The following ANO3 variants were observed in gnomAD, a reference collection of about 807,000 sequenced individuals.
ANO3 encodes the protein anoctamin 3.
Under a neutral mutation model 144.8 loss-of-function variants are expected in ANO3, and 99 were observed. The observed-to-expected ratio is 0.68, with a 90% CI of 0.58 to 0.81. ANO3 has a LOEUF of 0.81. Among genes scored for constraint, ANO3 ranks in the 30% least tolerant of loss-of-function variants. ANO3 has a pLI of 0.00. For missense variants in ANO3, 905 were observed against 1,202.2 expected, an observed-to-expected ratio of 0.75 and a Z score of 3.66; for synonymous variants, 414 against 392.6, an observed-to-expected ratio of 1.05 and a Z score of -0.64.
chr11:26,401,227 T>C (rs1177385709), intron 1 of ANO3, among the ~76,000 whole-genome samples: 1 of 151,940 alleles, frequency 6.6e-6, no homozygotes, highest in Non-Finnish European at 1.5e-5. Flanking sequence ...AGTTGGGAGA[T>C]CAGTCAGTCA....
chr11:26,209,889 A>G (rs891621869), intron 1 of ANO3, among the ~76,000 whole-genome samples: 1 of 151,910 alleles, frequency 6.6e-6, no homozygotes, highest in Admixed American at 6.6e-5. Flanking sequence ...TGGATATTAG[A>G]CTTTGTCAGA....
chr11:26,194,418 T>C (rs1256456044), intron 1 of ANO3, among the ~76,000 whole-genome samples: 5 of 146,248 alleles, frequency 3.4e-5, no homozygotes, highest in Non-Finnish European at 7.5e-5. Context: ...TCAAAATTTT[T>C]CATCTTTGTG....
intron 13 of ANO3, among the ~76,000 whole-genome samples, 190 bp downstream of exon 13, chr11:26,553,535 T>C (rs1202452051): frequency 6.6e-6 from 1 of 152,144 alleles, no homozygotes; most frequent in Non-Finnish European, 1.5e-5. Flanking sequence ...TATTTGAACA[T>C]TTTTGTCTTC....
intron 1 of ANO3, among the ~76,000 whole-genome samples, chr11:26,257,207 C>A (rs936733674): frequency 2.6e-5 from 4 of 151,840 alleles, no homozygotes; most frequent in Admixed American, 6.6e-5. Context: ...AATATACATA[C>A]AGAAGCATAC....
chr11:26,219,120 C>T (rs537916927), intron 1 of ANO3, among the ~76,000 whole-genome samples: 1 of 152,012 alleles, frequency 6.6e-6, no homozygotes, highest in Non-Finnish European at 1.5e-5. Context: ...GTAGCTTCCC[C>T]GACATCCACC....
At chr11:26,436,352 C>A (rs1211826592) in intron 1 of ANO3, among the ~76,000 whole-genome samples, 1 of 152,116 alleles carries the variant, frequency 6.6e-6, no homozygotes, top group Non-Finnish European at 1.5e-5. Context: ...GGGGGTGGAC[C>A]CAGTGAGGAG....
chr11:26,267,457 A>C (rs1272584132), intron 1 of ANO3, among the ~76,000 whole-genome samples: 1 of 152,212 alleles, frequency 6.6e-6, no homozygotes, highest in Non-Finnish European at 1.5e-5. Context: ...TATGGATAAT[A>C]AGGAAAATAC....
chr11:26,245,318 G>T (rs550666167), intron 1 of ANO3, among the ~76,000 whole-genome samples: 21 of 151,974 alleles, frequency 1.4e-4, no homozygotes, highest in Non-Finnish European at 2.8e-4. Flanking sequence ...AGTAATCTCT[G>T]GGATGATTCA....
At chr11:26,448,855 G>A (rs1356825703) in intron 3 of ANO3, among the ~76,000 whole-genome samples, 1 of 152,130 alleles carries the variant, frequency 6.6e-6, no homozygotes, top group Admixed American at 6.5e-5. Flanking sequence ...ATTCACTGCT[G>A]CTCCTGGGTC....
At chr11:26,563,533 A>G (rs1309735003) in intron 14 of ANO3, among the ~76,000 whole-genome samples, 1 of 151,754 alleles carries the variant, frequency 6.6e-6, no homozygotes, top group African/African-American at 2.4e-5. Context: ...TCTTAGCTCT[A>G]TAGCCGTGTC....
intron 7 of ANO3, among the ~76,000 whole-genome samples, chr11:26,528,850 G>A (rs939471367): frequency 6.6e-5 from 10 of 151,304 alleles, no homozygotes; most frequent in African/African-American, 1.9e-4. Flanking sequence ...CCTCTCCAAT[G>A]AGGTGATATT....
intron 3 of ANO3, among the ~76,000 whole-genome samples, chr11:26,453,616 C>A (rs11029562): frequency 6.6e-6 from 1 of 151,562 alleles, no homozygotes; most frequent in African/African-American, 2.4e-5. Flanking sequence ...CTTAGACTCC[C>A]ACACATTAAT....
At chr11:26,579,678 CTTTT>C (rs1565120319) in intron 14 of ANO3, among the ~76,000 whole-genome samples, 2 of 152,078 alleles carry the variant, frequency 1.3e-5, no homozygotes, top group Non-Finnish European at 2.9e-5. Context: ...ATCTGCCTCA[CTTTT>C]TGTTTGTTTA....
chr11:26,416,512 C>A (rs911845783), intron 1 of ANO3, among the ~76,000 whole-genome samples: 1 of 151,758 alleles, frequency 6.6e-6, no homozygotes. Flanking sequence ...CTGCAACCTC[C>A]TCCTCCCAGG....
intron 3 of ANO3, among the ~76,000 whole-genome samples, chr11:26,458,313 T>C (rs1336358276): frequency 6.6e-6 from 1 of 152,142 alleles, no homozygotes; most frequent in Non-Finnish European, 1.5e-5. Flanking sequence ...GTCTCCATTG[T>C]TGCTCTCAGA....
At chr11:26,206,770 T>C (rs1017226037) in intron 1 of ANO3, among the ~76,000 whole-genome samples, 2 of 152,216 alleles carry the variant, frequency 1.3e-5, no homozygotes, top group African/African-American at 2.4e-5. Flanking sequence ...ATTGAGCAGA[T>C]GAATGAACAT....
intron 17 of ANO3, among the ~76,000 whole-genome samples, chr11:26,601,725 G>C (rs1851804928): frequency 6.6e-6 from 1 of 152,154 alleles, no homozygotes. Context: ...AACAAAATCA[G>C]TACAAACTAT....
At chr11:26,211,617 T>C (rs1331803173) in intron 1 of ANO3, among the ~76,000 whole-genome samples, 1 of 152,096 alleles carries the variant, frequency 6.6e-6, no homozygotes, top group East Asian at 1.9e-4. Context: ...TTGGTGGGCG[T>C]GTAAATTAGT....
chr11:26,643,045 G>T, intron 22 of ANO3, 137 bp from the exon 23 acceptor site: 2 of 729,682 alleles, frequency 2.7e-6, no homozygotes, highest in Non-Finnish European at 4.6e-6. Flanking sequence ...ATGAAATAAG[G>T]TTGTCCTAAC....
Sources: gnomAD v4.1 joint callset for allele counts (sites outside exome capture counted in the v4.1 genomes callset) on GRCh38, gnomAD v4.1.1 for gene constraint, MANE v1.5 for transcripts, NCBI Gene and HGNC (gene_info 2026-07-23, HGNC 2026-07-21) for gene names.